MYH3: variants seen among roughly 807,000 people sequenced by gnomAD.
MYH3 encodes myosin-3.
MYH3 carries 130 observed loss-of-function variants against 238.0 expected under a neutral mutation model. The observed-to-expected ratio is 0.55, with a 90% CI of 0.47 to 0.63. The LOEUF (loss-of-function observed/expected upper bound fraction) is 0.63. Ranked by LOEUF, MYH3 falls within the 30% of genes least tolerant of loss-of-function variation. The pLI is 0.00. For synonymous variants in MYH3, 880 were observed against 924.1 expected, an observed-to-expected ratio of 0.95 and a Z score of 0.86; for missense variants, 1,853 against 2,374.9, an observed-to-expected ratio of 0.78 and a Z score of 4.57.
chr17:10,644,272 G>T (rs1460449730), intron 14 of MYH3, 79 bp downstream of exon 14: 18 of 1,463,138 alleles, frequency 1.2e-5, no homozygotes, highest in South Asian at 3.4e-5. Context: ...CCGCCATCTT[G>T]CTATCTTCCC....
Position 10,631,811 on chromosome 17 carries a change from A to C in MYH3, c.5160+2T>G, listed in dbSNP as rs2074161617. 1 of 1,613,528 alleles carries C rather than the reference A, an allele frequency of 6.2e-7. No individual in the cohort carries two copies. Among genetic ancestry groups the C allele is most frequent in the South Asian group, 1.1e-5 (1 of 91,028 alleles). On this transcript the variant is annotated splice_donor_variant, in intron 35 of 40. Transcript: ENST00000583535. LOFTEE classifies it high-confidence loss of function. ...CGCCTCTCTTCCTCTCCCTCCCCTCACCTGGGTATGCAGCAGCTGCACCCT... is the reference window on the plus strand; with the variant it reads ...CGCCTCTCTTCCTCTCCCTCCCCTCCCCTGGGTATGCAGCAGCTGCACCCT...
Position 10,642,680 on chromosome 17 carries a change from G to A in MYH3, c.1625C>T (p.Pro542Leu). The change falls in exon 16 of 41, where the codon CCC becomes CTC. Residue 542 changes from proline (P) to leucine (L), a missense_variant. Coordinates refer to ENST00000583535, the MANE Select transcript of MYH3 (RefSeq NM_002470.4). The surrounding 1 kb of genome is among the most constrained non-coding windows in gnomAD (Gnocchi z 5.4). The stretch of plus-strand genomic sequence containing the variant: ...CTTGAAGGAGGTGTCTGTTGCCTTG[G>A]GGAACATGCACTCCTCTTCCAGGAT... ...FSILEEECMF[P>L]KATDTSFKNK... The A allele has an allele frequency of 6.2e-7, 1 of 1,614,206 alleles. No homozygotes were observed. Among genetic ancestry groups the A allele is most frequent in the South Asian group, 1.1e-5 (1 of 91,088 alleles).
chr17:10,642,776 G>A lies in MYH3; in HGVS notation c.1581+50C>T. 1 of 1,614,152 alleles carries A rather than the reference G, an allele frequency of 6.2e-7. No individual in the cohort carries two copies. ...AGAGGTAAATATGAGCTGCAGTAAT[G>A]AGCAGAAGAGTCTATGAGAAGAGCT... On this transcript the variant is annotated intron_variant, in intron 15 of 40. Coordinates refer to ENST00000583535, the MANE Select transcript of MYH3 (RefSeq NM_002470.4). The surrounding 1 kb of genome is among the most constrained non-coding windows in gnomAD (Gnocchi z 5.4).
At chr17:10,648,770 G>A (rs1037326446) in intron 7 of MYH3, 121 bp from the exon 8 acceptor site, 1 of 814,186 alleles carries the variant, frequency 1.2e-6, no homozygotes, top group African/African-American at 1.7e-5. Flanking sequence ...CCACCTCCCG[G>A]GTTCATGTGA....
the MYH3 span, among the ~76,000 whole-genome samples, chr17:10,671,679 A>AT: frequency 6.9e-6 from 1 of 144,476 alleles, no homozygotes; most frequent in Non-Finnish European, 1.5e-5. Flanking sequence ...TCCCGGGTTC[A>AT]TGCCATTCTC....
the MYH3 span, chr17:10,673,651 C>G: frequency 6.6e-6 from 1 of 152,232 alleles, no homozygotes; most frequent in Non-Finnish European, 1.5e-5. Context: ...GCCTACTGCA[C>G]TAGGGCCAAC....
the MYH3 span, among the ~76,000 whole-genome samples, chr17:10,667,294 T>C: frequency 3.3e-5 from 5 of 152,210 alleles, no homozygotes; most frequent in Non-Finnish European, 5.9e-5. Context: ...CTGTTCATAA[T>C]AGTAAAAGAT....
chr17:10,660,238 G>T (rs2074470630), upstream of MYH3, among the ~76,000 whole-genome samples: 1 of 152,224 alleles, frequency 6.6e-6, no homozygotes, highest in East Asian at 1.9e-4. Flanking sequence ...TACATTGCAG[G>T]TGTTTGCCAG....
the MYH3 span, among the ~76,000 whole-genome samples, chr17:10,663,424 G>C: frequency 6.6e-6 from 1 of 152,248 alleles, no homozygotes; most frequent in East Asian, 1.9e-4. Context: ...CATTCATGTG[G>C]GGCCCTGTGG....
the MYH3 span, among the ~76,000 whole-genome samples, chr17:10,668,225 TC>T: frequency 6.6e-6 from 1 of 152,152 alleles, no homozygotes; most frequent in Admixed American, 6.5e-5. Context: ...CGAAATCCCA[TC>T]TCTACTAAAA....
At chr17:10,665,503 C>T in the MYH3 span, among the ~76,000 whole-genome samples, 1 of 152,070 alleles carries the variant, frequency 6.6e-6, no homozygotes, top group African/African-American at 2.4e-5. Flanking sequence ...CCTGGCTATC[C>T]CTTAGAATCA....
the MYH3 span, among the ~76,000 whole-genome samples, chr17:10,668,000 A>C: frequency 0.21 from 31,723 of 152,182 alleles, 3,518 homozygotes; most frequent in Non-Finnish European, 0.25. Context: ...TAAATCTAAC[A>C]TATCAAACTG....
At position 10,631,695 on chromosome 17, in the gene MYH3, G is replaced by A. The variant is rs569075892; in HGVS notation, c.5202C>T (p.Asp1734=). 14 of 1,614,176 alleles carry A rather than the reference G, an allele frequency of 8.7e-6. No individual in the cohort carries two copies. In the South Asian group the frequency reaches 1.4e-4, roughly 16 times the overall value. The part of the protein sequence containing the change: ...LIHTKKKLET[D]LMQLQSEVED... ...CTACCTCACTCTGGAGCTGCATGAG[G>A]TCTGTCTCCAGCTTCTTCTTGGTGT... Residue 1734 remains aspartate, a synonymous_variant, in exon 36 of 41, where the codon GAC becomes GAT. Coordinates refer to ENST00000583535, the MANE Select transcript of MYH3 (RefSeq NM_002470.4).
At position 10,630,457 on chromosome 17, in the gene MYH3, G is replaced by A. The variant is rs766412503; in HGVS notation, c.5288C>T (p.Ala1763Val). 7.4e-6 allele frequency: 12 copies of A among 1,614,234 alleles called. No individual in the cohort carries two copies. Among genetic ancestry groups the A allele is most frequent in the Non-Finnish European group, 1.0e-5 (12 of 1,180,038 alleles). Residue 1763 changes from alanine (A) to valine (V), a missense_variant and splice_region_variant, in exon 37 of 41, where the codon GCT becomes GTT. This residue lies in a region of MYH3 where 1,044 missense variants were observed against 1,192.6 expected (regional missense o/e 0.88). Coordinates refer to ENST00000583535, the MANE Select transcript of MYH3 (RefSeq NM_002470.4). ...CTTCAGCTCCTCCGCCATCATGGCA[G>A]CCTGAAAAGCACATGGGACTTGCTA... ...EEKAKKAITD[A>V]AMMAEELKKE...
intron 33 of MYH3, among the ~76,000 whole-genome samples, 186 bp from the exon 34 acceptor site, chr17:10,632,970 G>C (rs2074180027): frequency 3.3e-5 from 5 of 152,186 alleles, no homozygotes; most frequent in Admixed American, 3.3e-4. Flanking sequence ...CCAGCACTTT[G>C]GGAGGCCGAG....
chr17:10,653,187 G>A (rs949589179), intron 3 of MYH3, among the ~76,000 whole-genome samples: 5 of 152,124 alleles, frequency 3.3e-5, no homozygotes, highest in African/African-American at 2.4e-5. Context: ...GGCTGGGAAC[G>A]GGGCCAGCAG....
Position 10,633,714 on chromosome 17 carries a change from C to T in MYH3, c.4524G>A (p.Gln1508=), listed in dbSNP as rs1322163067. The change falls in exon 33 of 41, where the codon CAG becomes CAA. Residue 1508 remains glutamine (Q), a splice_region_variant and synonymous_variant. Coordinates refer to ENST00000583535, the MANE Select transcript of MYH3 (RefSeq NM_002470.4). ...TVKRENKNLE[Q]EIADLTEQIA... ...TTTGTTCTGTGAGATCTGCTATCTC[C>T]TCTGTAAAGAAGTAAGTTTCAGTTG... 1.2e-6 allele frequency: 2 copies of T among 1,613,820 alleles called. No homozygotes were observed. Among genetic ancestry groups the T allele is most frequent in the Non-Finnish European group, 1.7e-6 (2 of 1,180,020 alleles).
Position 10,639,600 on chromosome 17 carries a change from AG to A in MYH3, c.2884del (p.Leu962TrpfsTer25), listed in dbSNP as rs2074249435. The A allele has an allele frequency of 6.2e-7, 1 of 1,614,038 alleles. No individual in the cohort carries two copies. Among genetic ancestry groups the A allele is most frequent in the African/African-American group, 1.3e-5 (1 of 74,922 alleles). On this transcript the variant is annotated frameshift_variant, in exon 23 of 41. Transcript: ENST00000583535. LOFTEE classifies it high-confidence loss of function. ...KKDIDDLELTLAKVEKEKHAT... is the reference protein window; with the variant it reads ...KKDIDDLELTXAKVEKEKHAT... ...ATGCTTCTCCTTCTCAACCTTGGCC[AG>A]GGTCAACTCAAGGTCATCAATGTCT...
the MYH3 span, among the ~76,000 whole-genome samples, chr17:10,666,720 C>T: frequency 7.2e-5 from 11 of 152,058 alleles, no homozygotes; most frequent in African/African-American, 2.4e-4. Flanking sequence ...TACAATCACG[C>T]CACTGCAGTC....
Sources: allele counts gnomAD v4.1 joint callset (sites outside exome capture counted in the v4.1 genomes callset), GRCh38; gene constraint gnomAD v4.1.1; regional missense constraint gnomAD v4.1.1; non-coding constraint Gnocchi (gnomAD v3.1); transcripts MANE v1.5; gene names NCBI Gene and HGNC (gene_info 2026-07-23, HGNC 2026-07-21).